KCNK9: variants seen among roughly 807,000 people sequenced by gnomAD.
The protein encoded by KCNK9 is potassium two pore domain channel subfamily K member 9.
KCNK9 carries 1 observed loss-of-function variant against 10.8 expected under a neutral mutation model. The observed-to-expected ratio is 0.09, with a 90% confidence interval of 0.03 to 0.44. The LOEUF is 0.44. KCNK9 is among the 20% of genes least tolerant of loss of function. The probability of loss-of-function intolerance (pLI) is 0.97; values close to 1 mark genes in which losing one functional copy is unlikely to be tolerated. For missense variants in KCNK9, 303 were observed against 515.0 expected (o/e 0.59, Z 3.98); for synonymous variants, 231 against 222.7 (o/e 1.04, Z -0.33).
intron 1 of KCNK9, among the ~76,000 whole-genome samples, chr8:139,619,376 G>C (rs1368655147): frequency 2.0e-5 from 3 of 152,058 alleles, no homozygotes; most frequent in African/African-American, 7.2e-5. Flanking sequence ...GAAGGGAAGA[G>C]AAAAAGAAGA....
chr8:139,611,491 T>TG (rs1814422319), downstream of KCNK9: 1 of 152,326 alleles, frequency 6.6e-6, no homozygotes, highest in Admixed American at 6.5e-5. Flanking sequence ...CCACAGAGGC[T>TG]GGGGGTTCCT....
chr8:139,668,412 G>A (rs1310277785), intron 1 of KCNK9, among the ~76,000 whole-genome samples: 1 of 140,488 alleles, frequency 7.1e-6, no homozygotes, highest in East Asian at 2.0e-4. Flanking sequence ...GTAGTATAGT[G>A]TAAACAATAC....
At chr8:139,691,886 C>T (rs1193107807) in intron 1 of KCNK9, among the ~76,000 whole-genome samples, 1 of 152,216 alleles carries the variant, frequency 6.6e-6, no homozygotes, top group Non-Finnish European at 1.5e-5. Context: ...TTCCAGGTTC[C>T]CTTGCAGCTA....
chr8:139,626,400 C>T (rs183649660), intron 1 of KCNK9, among the ~76,000 whole-genome samples: 100 of 152,306 alleles, frequency 6.6e-4, no homozygotes, highest in Non-Finnish European at 1.1e-3. Context: ...GCCATTACCC[C>T]GCTTACCTGA....
intron 1 of KCNK9, among the ~76,000 whole-genome samples, chr8:139,651,057 A>G (rs1427284728): frequency 6.6e-6 from 1 of 152,146 alleles, no homozygotes; most frequent in Non-Finnish European, 1.5e-5. Flanking sequence ...GCTTCTTCCC[A>G]GCTGCAAGGC....
chr8:139,604,074 C>T (rs1056838278), intron 2 of KCNK9, among the ~76,000 whole-genome samples: 2 of 152,242 alleles, frequency 1.3e-5, no homozygotes, highest in South Asian at 2.1e-4. Flanking sequence ...CAGTGCAGGC[C>T]GTGAGACTAA....
At chr8:139,694,082 C>T (rs1250251530) in intron 1 of KCNK9, among the ~76,000 whole-genome samples, 1 of 152,156 alleles carries the variant, frequency 6.6e-6, no homozygotes, top group African/African-American at 2.4e-5. Flanking sequence ...CTCTGAGGAG[C>T]ATTTCTCAGT....
At chr8:139,619,211 C>G in intron 1 of KCNK9, 112 bp from the exon 2 acceptor site, 1 of 1,225,002 alleles carries the variant, frequency 8.2e-7, no homozygotes, top group Non-Finnish European at 1.2e-6. Flanking sequence ...GGACCTGGTA[C>G]TGGGGGAATT....
downstream of KCNK9, among the ~76,000 whole-genome samples, chr8:139,609,125 C>A (rs1464057593): frequency 6.6e-6 from 1 of 150,616 alleles, no homozygotes; most frequent in African/African-American, 2.5e-5. Context: ...CGCCCCGCTC[C>A]GGGAGCTTCA....
chr8:139,626,678 T>C (rs1180511353), intron 1 of KCNK9, among the ~76,000 whole-genome samples: 2 of 152,184 alleles, frequency 1.3e-5, no homozygotes, highest in Non-Finnish European at 2.9e-5. Context: ...AGCCCACAGT[T>C]CCCTGGGACA....
chr8:139,615,406 A>C (rs1489291310), downstream of KCNK9, among the ~76,000 whole-genome samples: 1 of 152,244 alleles, frequency 6.6e-6, no homozygotes, highest in African/African-American at 2.4e-5. Context: ...TATTAAGAGA[A>C]GAAAGAACCC....
chr8:139,623,742 C>G (rs977481829), intron 1 of KCNK9, among the ~76,000 whole-genome samples: 3 of 152,134 alleles, frequency 2.0e-5, no homozygotes, highest in African/African-American at 7.2e-5. Flanking sequence ...AAGTCCCACC[C>G]ACCACTGGCC....
intron 1 of KCNK9, among the ~76,000 whole-genome samples, chr8:139,673,246 T>G (rs917976744): frequency 6.6e-6 from 1 of 152,188 alleles, no homozygotes; most frequent in Non-Finnish European, 1.5e-5. Context: ...GGTTTTCTTT[T>G]TCAGGTGAAT....
At chr8:139,697,479 CTGGG>C (rs915955109) in intron 1 of KCNK9, among the ~76,000 whole-genome samples, 2 of 140,700 alleles carry the variant, frequency 1.4e-5, no homozygotes, top group African/African-American at 5.3e-5. Flanking sequence ...CGGTGGATAG[CTGGG>C]TGGGTGGGTG....
At chr8:139,622,490 G>A (rs1488272883) in intron 1 of KCNK9, among the ~76,000 whole-genome samples, 1 of 152,140 alleles carries the variant, frequency 6.6e-6, no homozygotes, top group Non-Finnish European at 1.5e-5. Context: ...AGAGGAGGGC[G>A]ACTTCGGCAA....
chr8:139,632,544 G>T (rs1220044255), intron 1 of KCNK9, among the ~76,000 whole-genome samples: 1 of 152,216 alleles, frequency 6.6e-6, no homozygotes, highest in East Asian at 1.9e-4. Context: ...CTCGCAAGTA[G>T]ACATGGCCAT....
At chr8:139,644,950 G>A (rs1399573124) in intron 1 of KCNK9, among the ~76,000 whole-genome samples, 1 of 152,166 alleles carries the variant, frequency 6.6e-6, no homozygotes, top group Non-Finnish European at 1.5e-5. Context: ...CGCCCACAGT[G>A]CAGACAGACA....
chr8:139,676,873 A>G (rs1486349859), intron 1 of KCNK9, among the ~76,000 whole-genome samples: 1 of 152,180 alleles, frequency 6.6e-6, no homozygotes, highest in Non-Finnish European at 1.5e-5. Flanking sequence ...AATCATTTGA[A>G]CCCAGGAGGT....
chr8:139,700,518 G>GCA (rs1260357091), intron 1 of KCNK9, among the ~76,000 whole-genome samples: 5 of 135,660 alleles, frequency 3.7e-5, no homozygotes, highest in Non-Finnish European at 6.1e-5. Context: ...ACGCGCGCGC[G>GCA]CGCACACACA....
Sources: allele counts gnomAD v4.1 joint callset (sites outside exome capture counted in the v4.1 genomes callset), GRCh38; gene constraint gnomAD v4.1.1; transcripts MANE v1.5; gene names NCBI Gene and HGNC (gene_info 2026-07-23, HGNC 2026-07-21).